MRPL50: variants seen among roughly 807,000 people sequenced by gnomAD.
MRPL50 encodes large ribosomal subunit protein mL50.
A neutral mutation model predicts 16.2 loss-of-function variants in MRPL50; 10 were observed. The ratio of observed to expected loss-of-function variants is 0.62; its 90% confidence interval spans 0.38 to 1.05. The LOEUF (loss-of-function observed/expected upper bound fraction) is 1.05. Ranked by LOEUF, MRPL50 falls within the 50% of genes least tolerant of loss-of-function variation. The probability of loss-of-function intolerance (pLI) is 0.01; values close to 1 mark genes in which losing one functional copy is unlikely to be tolerated. For missense variants in MRPL50, 213 were observed against 187.1 expected (o/e 1.14, Z -0.81); for synonymous variants, 68 against 66.8 (o/e 1.02, Z -0.09).
intron 1 of MRPL50, among the ~76,000 whole-genome samples, chr9:101,392,896 A>G (rs1165473679): frequency 6.6e-6 from 1 of 152,090 alleles, no homozygotes; most frequent in Admixed American, 6.6e-5. Flanking sequence ...GACAAAGACA[A>G]AATAAAAAAG....
rs1418288061 is a variant in MRPL50, at chr9:101,396,782, AAAT to A, written c.92+1716_92+1718del. ...CATGGAGAAACCCTGTCTCTACTAA[AAAT>A]AAAAAAATTAGCCGGGCGTGGTGGC... On this transcript the variant is annotated intron_variant, in intron 1 of 1. Transcript: ENST00000374865. Among the ~76,000 whole-genome samples the A allele has an allele frequency of 3.9e-5, 6 of 152,192 alleles. No individual in the cohort carries two copies. The East Asian group carries it at 1.2e-3, about 29-fold the overall frequency.
At chr9:101,395,524 C>T (rs1431531128) in intron 1 of MRPL50, among the ~76,000 whole-genome samples, 3 of 151,964 alleles carry the variant, frequency 2.0e-5, no homozygotes, top group African/African-American at 7.3e-5. Context: ...AAGTTTCTAC[C>T]AATGGATGAA....
chr9:101,393,935 T>G (rs1830305987), intron 1 of MRPL50, among the ~76,000 whole-genome samples: 1 of 110,884 alleles, frequency 9.0e-6, no homozygotes, highest in Non-Finnish European at 1.8e-5. Flanking sequence ...GAAAAAAAAA[T>G]CCTAAAATTC....
intron 1 of MRPL50, among the ~76,000 whole-genome samples, chr9:101,393,816 C>A (rs918508704): frequency 1.3e-5 from 2 of 151,794 alleles, no homozygotes; most frequent in Admixed American, 6.6e-5. Context: ...AGATATCCCA[C>A]GTTCATGGAT....
In MRPL50 at chr9:101,398,586, C is replaced by G. The variant is rs777420254; in HGVS notation, c.7G>C (p.Ala3Pro). 6.2e-7 allele frequency: 1 copy of G among 1,613,656 alleles called. No homozygotes were observed. Among genetic ancestry groups the G allele is most frequent in the Non-Finnish European group, 8.5e-7 (1 of 1,180,016 alleles). Residue 3 changes from alanine to proline, a missense_variant, in exon 1 of 2, where the codon GCG becomes CCG. Physicochemically the swap from Ala to Pro is conservative, Grantham distance 27. Transcript: ENST00000374865. MA[A>P]RSVSGITRRV... ...CTGGTAATGCCCGACACAGATCGCGCCGCCATCTTCGATGAGATCCACGGG... is the reference window on the plus strand; with the variant it reads ...CTGGTAATGCCCGACACAGATCGCGGCGCCATCTTCGATGAGATCCACGGG...
chr9:101,393,990 C>CAAAAAAAAAAAAAAAAAAAAAAAA (rs76598460), intron 1 of MRPL50, among the ~76,000 whole-genome samples: 1 of 66,484 alleles, frequency 1.5e-5, no homozygotes, highest in East Asian at 4.6e-4. Context: ...TAATGCTAAG[C>CAAAAAAAAAAAAAAAAAAAAAAAA]AAAAAAAAAA....
rs1830225545 is a variant in MRPL50, at chr9:101,388,200, A to G, written c.*2266T>C. 6.6e-6 allele frequency: 1 copy of G among 152,138 alleles called. No individual in the cohort carries two copies. Among genetic ancestry groups the G allele is most frequent in the African/African-American group, 2.4e-5 (1 of 41,440 alleles). The allele number at this position is 152,138 out of a possible 1,614,324, so 9.4% of individuals were successfully genotyped here. On this transcript the variant is annotated 3_prime_UTR_variant, in exon 2 of 2. Transcript: ENST00000374865. The stretch of plus-strand genomic sequence containing the variant: ...TTTTAAAAGATCCCCACATGAAAAA[A>G]TGAATAAAAGATCCCCAAATGATTA...
Position 101,393,106 on chromosome 9 carries a change from T to C in MRPL50, c.93-2256A>G, listed in dbSNP as rs140427333. Among the ~76,000 whole-genome samples the C allele has an allele frequency of 2.9e-3, 441 of 152,254 alleles. 4 individuals are homozygous for C. Among genetic ancestry groups the C allele is most frequent in the Admixed American group, 0.023 (349 of 15,280 alleles). On this transcript the variant is annotated intron_variant, in intron 1 of 1. Transcript: ENST00000374865. ...TTGATAGAATCAAGAACAAGAATCA[T>C]GTGATCATTTCAATAGATGCTGAAA...
At position 101,389,421 on chromosome 9, in the gene MRPL50, A is replaced by G; in HGVS notation, c.*1045T>C. On this transcript the variant is annotated 3_prime_UTR_variant, in exon 2 of 2. Transcript: ENST00000374865. ...TAGGGCATGTCTATACTGTTAACTA[A>G]TTTTCTTCATGAAGATTCCAGAATT... is the stretch of plus-strand genomic sequence containing the variant. 2 of 1,266,514 alleles carry G rather than the reference A, an allele frequency of 1.6e-6. No homozygotes were observed. The highest frequency in any genetic ancestry group is 2.1e-6 in the Non-Finnish European group (2 of 968,780). The allele number at this position is 1,266,514 out of a possible 1,614,324, so 78.5% of individuals were successfully genotyped here. A position where few individuals can be genotyped will look rare whatever the true frequency, so the allele number is the denominator to read the frequency against.
In MRPL50 at chr9:101,389,350, T is replaced by G. The variant is rs1002245297; in HGVS notation, c.*1116A>C. 3 of 775,164 alleles carry G rather than the reference T, an allele frequency of 3.9e-6. No individual in the cohort carries two copies. The highest frequency in any genetic ancestry group is 5.5e-6 in the Non-Finnish European group (3 of 547,216). 48.0% of individuals were successfully genotyped at this position (775,164 alleles called of 1,614,324 possible). A position where few individuals can be genotyped will look rare whatever the true frequency, so the allele number is the denominator to read the frequency against. On this transcript the variant is annotated 3_prime_UTR_variant, in exon 2 of 2. Transcript: ENST00000374865. ...GTCTAAGCTCCAGAGCTCCAGGCAC[T>G]CTGACACCTGAAGTTCTTGAATGAA...
intron 1 of MRPL50, 108 bp from the exon 2 acceptor site, chr9:101,390,958 G>T: frequency 8.2e-7 from 1 of 1,225,564 alleles, no homozygotes; most frequent in South Asian, 1.5e-5. Flanking sequence ...ATTACCACTG[G>T]GGACTACTGA....
At chr9:101,392,739 C>A (rs1399109183) in intron 1 of MRPL50, among the ~76,000 whole-genome samples, 1 of 152,018 alleles carries the variant, frequency 6.6e-6, no homozygotes, top group African/African-American at 2.4e-5. Flanking sequence ...AATTCTACCA[C>A]AGCTATTCCA....
chr9:101,393,524 A>G (rs1157382288), intron 1 of MRPL50, among the ~76,000 whole-genome samples: 1 of 151,926 alleles, frequency 6.6e-6, no homozygotes, highest in Non-Finnish European at 1.5e-5. Context: ...TTGTTGATAT[A>G]TGATCTTGTA....
At position 101,389,892 on chromosome 9, in the gene MRPL50, A is replaced by C; in HGVS notation, c.*574T>G. On this transcript the variant is annotated 3_prime_UTR_variant, in exon 2 of 2. Transcript: ENST00000374865. ...TTGGCATATATTCTAATTTTTTCAA[A>C]ATTATACTTACTGGAAAGAAATGGC... 1.6e-6 allele frequency: 1 copy of C among 627,328 alleles called. No homozygotes were observed. Among genetic ancestry groups the C allele is most frequent in the African/African-American group, 2.0e-5 (1 of 50,128 alleles). The allele number at this position is 627,328 out of a possible 1,614,324, so 38.9% of individuals were successfully genotyped here.
intron 1 of MRPL50, among the ~76,000 whole-genome samples, chr9:101,394,796 A>G (rs1830319607): frequency 6.6e-6 from 1 of 152,054 alleles, no homozygotes. Context: ...AAATAGACAA[A>G]TGGGATTATA....
intron 1 of MRPL50, among the ~76,000 whole-genome samples, chr9:101,396,916 T>C (rs1830350552): frequency 6.6e-6 from 1 of 152,026 alleles, no homozygotes; most frequent in Non-Finnish European, 1.5e-5. Context: ...CACTCCAGCC[T>C]GGAGACAGAG....
chr9:101,397,032 G>A (rs1336071427), intron 1 of MRPL50, among the ~76,000 whole-genome samples: 2 of 152,144 alleles, frequency 1.3e-5, no homozygotes, highest in East Asian at 1.9e-4. Context: ...GTTGGACAAA[G>A]GTAAAATTTA....
At chr9:101,397,307 C>T (rs1341152087) in intron 1 of MRPL50, among the ~76,000 whole-genome samples, 1 of 151,998 alleles carries the variant, frequency 6.6e-6, no homozygotes, top group Non-Finnish European at 1.5e-5. Context: ...TAAAACAAAA[C>T]AAAACAGAAA....
rs1026106562 is a variant in MRPL50 at position 101,389,322 on chromosome 9, A to C, written c.*1144T>G. 2.4e-5 allele frequency: 11 copies of C among 465,732 alleles called. No individual in the cohort carries two copies. The highest frequency in any genetic ancestry group is 3.7e-5 in the Non-Finnish European group (11 of 295,642). 28.8% of individuals were successfully genotyped at this position (465,732 alleles called of 1,614,324 possible). ...AACCAATCCCCAAGGAATCAACTCT[A>C]ATGTCTAAGCTCCAGAGCTCCAGGC... On this transcript the variant is annotated 3_prime_UTR_variant, in exon 2 of 2. Coordinates refer to ENST00000374865, the MANE Select transcript of MRPL50 (RefSeq NM_019051.3).
Sources: gnomAD v4.1 joint callset for allele counts (sites outside exome capture counted in the v4.1 genomes callset) on GRCh38, gnomAD v4.1.1 for gene constraint, MANE v1.5 for transcripts, NCBI Gene and HGNC (gene_info 2026-07-23, HGNC 2026-07-21) for gene names.